The following WASF3 variants were observed in gnomAD, a reference collection of about 807,000 sequenced individuals.
The protein encoded by WASF3 is WASP family member 3.
WASF3 carries 11 observed loss-of-function variants against 46.6 expected under a neutral mutation model. That is an observed-to-expected ratio of 0.24 (90% CI 0.15 to 0.39). The LOEUF (loss-of-function observed/expected upper bound fraction) is 0.39. WASF3 is among the 10% of genes least tolerant of loss of function. WASF3 has a pLI of 1.00. For missense variants in WASF3, 576 were observed against 669.8 expected (o/e 0.86, Z 1.55); for synonymous variants, 242 against 259.7 (o/e 0.93, Z 0.65).
intron 8 of WASF3, 39 bp downstream of exon 8, chr13:26,681,359 T>C (rs753621352): frequency 2.1e-5 from 32 of 1,508,092 alleles, no homozygotes; most frequent in African/African-American, 4.2e-5. Flanking sequence ...CCTCCTGGCC[T>C]TGCATTTGAA....
At chr13:26,545,183 T>C in the WASF3 span, among the ~76,000 whole-genome samples, 1 of 152,202 alleles carries the variant, frequency 6.6e-6, no homozygotes, top group Admixed American at 6.5e-5. Flanking sequence ...TGCTGTTTGC[T>C]TTCTGCTGAT....
At chr13:26,618,301 G>T (rs1365087106) in intron 2 of WASF3, among the ~76,000 whole-genome samples, 1 of 151,946 alleles carries the variant, frequency 6.6e-6, no homozygotes, top group Non-Finnish European at 1.5e-5. Flanking sequence ...TCAAAATATT[G>T]ATCATGCAGA....
In WASF3 at chr13:26,607,639, G is replaced by GTT. The variant is rs376544806; in HGVS notation, c.-108-5313_-108-5312dup. Among the ~76,000 whole-genome samples the GTT allele has an allele frequency of 9.1e-3, 1,338 of 147,062 alleles. 10 individuals carry two copies. Among genetic ancestry groups the GTT allele is most frequent in the Middle Eastern group, 0.017 (5 of 288 alleles). On this transcript the variant is annotated intron_variant, in intron 1 of 9. Coordinates refer to ENST00000335327, the MANE Select transcript of WASF3 (RefSeq NM_006646.6). ...TTGTTTCAGAGCAGTTTTTTGTTTT[G>GTT]TTTTTTTTTTGAAACAGGGTCTTGC... is the stretch of plus-strand genomic sequence containing the variant.
At chr13:26,580,273 A>G (rs1879937435) in intron 1 of WASF3, among the ~76,000 whole-genome samples, 1 of 152,212 alleles carries the variant, frequency 6.6e-6, no homozygotes, top group Non-Finnish European at 1.5e-5. Flanking sequence ...ATAGAATCTT[A>G]TTAATATGAA....
At chr13:26,668,190 C>T (rs1026519335) in intron 5 of WASF3, among the ~76,000 whole-genome samples, 6 of 152,058 alleles carry the variant, frequency 3.9e-5, no homozygotes, top group African/African-American at 7.2e-5. Context: ...GTTATCAGGA[C>T]GAGACTTCCA....
At chr13:26,585,890 G>A (rs1880114365) in intron 1 of WASF3, among the ~76,000 whole-genome samples, 1 of 152,116 alleles carries the variant, frequency 6.6e-6, no homozygotes, top group Admixed American at 6.5e-5. Context: ...AGCTGAGGAT[G>A]GTGCTGTAGA....
the WASF3 span, among the ~76,000 whole-genome samples, chr13:26,546,184 G>T: frequency 6.6e-6 from 1 of 152,102 alleles, no homozygotes; most frequent in Admixed American, 6.5e-5. Flanking sequence ...TCAGATATAG[G>T]GCCATAGGGT....
intron 1 of WASF3, among the ~76,000 whole-genome samples, chr13:26,585,878 A>G (rs1880114024): frequency 1.3e-5 from 2 of 152,192 alleles, no homozygotes; most frequent in South Asian, 4.1e-4. Context: ...AGTGGAGGTA[A>G]TAGCTGAGGA....
At chr13:26,681,354 T>C in intron 8 of WASF3, 34 bp downstream of exon 8, 1 of 1,515,610 alleles carries the variant, frequency 6.6e-7, no homozygotes, top group Non-Finnish European at 8.8e-7. Context: ...TAATCCCTCC[T>C]GGCCTTGCAT....
intron 1 of WASF3, among the ~76,000 whole-genome samples, chr13:26,579,165 A>C (rs1879898157): frequency 6.6e-6 from 1 of 150,862 alleles, no homozygotes; most frequent in South Asian, 2.1e-4. Context: ...AGGACCAGCG[A>C]ATTTTTTAAG....
At chr13:26,639,287 G>A (rs997242593) in intron 2 of WASF3, among the ~76,000 whole-genome samples, 2 of 152,166 alleles carry the variant, frequency 1.3e-5, no homozygotes, top group Admixed American at 6.5e-5. Flanking sequence ...GTTCCAAATA[G>A]AGGTTTAATG....
At chr13:26,614,948 C>T (rs1881085531) in intron 2 of WASF3, among the ~76,000 whole-genome samples, 1 of 42,460 alleles carries the variant, frequency 2.4e-5, no homozygotes, top group Non-Finnish European at 5.1e-5. Context: ...TGTCTGTGTT[C>T]AGACTGTTGT....
intron 7 of WASF3, 31 bp downstream of exon 7, chr13:26,676,755 G>C (rs547816255): frequency 1.3e-6 from 2 of 1,583,592 alleles, no homozygotes; most frequent in African/African-American, 1.4e-5. Flanking sequence ...CCTCAGCCCT[G>C]ATGCTTGGGC....
intron 1 of WASF3, among the ~76,000 whole-genome samples, chr13:26,563,248 T>C (rs539496): frequency 0.84 from 126,884 of 151,894 alleles, 53,095 homozygotes; most frequent in East Asian, 0.9. Context: ...TTTGTAGAGA[T>C]GGTGTTTTGC....
intron 2 of WASF3, among the ~76,000 whole-genome samples, chr13:26,624,651 A>G (rs1211444344): frequency 6.6e-6 from 1 of 151,802 alleles, no homozygotes; most frequent in Non-Finnish European, 1.5e-5. Flanking sequence ...TTTTTTTTTT[A>G]AGAACCCTCC....
chr13:26,678,470 G>A (rs1174713046), intron 7 of WASF3, among the ~76,000 whole-genome samples: 2 of 151,868 alleles, frequency 1.3e-5, no homozygotes, highest in African/African-American at 4.8e-5. Context: ...GTCATGCCAT[G>A]TTTTCTTTCT....
In WASF3 at chr13:26,568,314, T is replaced by C. The variant is rs564016226; in HGVS notation, c.-109+10495T>C. ...GTGCTAGGTAGGCATTGCGAAGTGC[T>C]GTGGCTGTTGGATGAATCAGTGGTT... On this transcript the variant is annotated intron_variant, in intron 1 of 9. Coordinates refer to ENST00000335327, the MANE Select transcript of WASF3 (RefSeq NM_006646.6). Among the ~76,000 whole-genome samples the C allele has an allele frequency of 2.0e-5, 3 of 152,272 alleles. No homozygotes were observed. The East Asian group carries it at 5.8e-4, about 29-fold the overall frequency.
At chr13:26,603,328 C>T (rs1880697658) in intron 1 of WASF3, among the ~76,000 whole-genome samples, 1 of 152,102 alleles carries the variant, frequency 6.6e-6, no homozygotes. Flanking sequence ...AAAGGTGTTC[C>T]AGCACCTGAA....
chr13:26,540,187 A>C, the WASF3 span, among the ~76,000 whole-genome samples: 59,250 of 151,974 alleles, frequency 0.39, 11,850 homozygotes, highest in South Asian at 0.49. Flanking sequence ...ACAAGATAGA[A>C]TGCCAGTTCC....
Sources: allele counts gnomAD v4.1 joint callset (sites outside exome capture counted in the v4.1 genomes callset), GRCh38; gene constraint gnomAD v4.1.1; transcripts MANE v1.5; gene names NCBI Gene and HGNC (gene_info 2026-07-23, HGNC 2026-07-21).